The following STPG2 variants were observed in gnomAD, a reference collection of about 807,000 sequenced individuals.
STPG2 encodes sperm-tail PG-rich repeat-containing protein 2.
In STPG2, 56 loss-of-function variants were observed where a neutral mutation model predicts 54.2. The observed-to-expected ratio is 1.03, with a 90% CI of 0.83 to 1.29. The LOEUF is 1.29. STPG2 is among the 50% of genes most tolerant of loss of function. The probability of loss-of-function intolerance (pLI) is 0.00; values close to 1 mark genes in which losing one functional copy is unlikely to be tolerated. For missense variants in STPG2, 596 were observed against 544.9 expected, an observed-to-expected ratio of 1.09 and a Z score of -0.93; for synonymous variants, 200 against 181.8, an observed-to-expected ratio of 1.10 and a Z score of -0.81.
chr4:97,497,854 C>T (rs1730643026), intron 4 of STPG2, among the ~76,000 whole-genome samples: 1 of 151,752 alleles, frequency 6.6e-6, no homozygotes, highest in Admixed American at 6.6e-5. Context: ...TCTTCTGATG[C>T]CTACATTTCT....
At chr4:97,705,729 T>C (rs1354897394) in intron 10 of STPG2, among the ~76,000 whole-genome samples, 1 of 151,890 alleles carries the variant, frequency 6.6e-6, no homozygotes, top group Non-Finnish European at 1.5e-5. Context: ...ATAATAATTA[T>C]TTTATTATAA....
At chr4:98,038,631 C>T (rs1736846205) in intron 5 of STPG2, among the ~76,000 whole-genome samples, 1 of 151,544 alleles carries the variant, frequency 6.6e-6, no homozygotes, top group Admixed American at 6.6e-5. Flanking sequence ...CTTATTTCAA[C>T]AAGGTAGGAA....
chr4:97,666,128 C>T (rs576075990), intron 10 of STPG2, among the ~76,000 whole-genome samples: 1 of 152,180 alleles, frequency 6.6e-6, no homozygotes, highest in Non-Finnish European at 1.5e-5. Flanking sequence ...CCCAGATCCA[C>T]AGCCATAGCT....
chr4:97,657,385 A>C (rs1722246294), intron 10 of STPG2, among the ~76,000 whole-genome samples: 1 of 152,188 alleles, frequency 6.6e-6, no homozygotes, highest in South Asian at 2.1e-4. Flanking sequence ...ATAAAACTAT[A>C]GCTTTACACA....
At chr4:97,838,326 CAA>C (rs1357000270) in intron 9 of STPG2, among the ~76,000 whole-genome samples, 1 of 151,256 alleles carries the variant, frequency 6.6e-6, no homozygotes, top group African/African-American at 2.4e-5. Context: ...CACCATATAA[CAA>C]ATAGAATTAT....
chr4:97,869,457 T>C (rs1729905027), intron 8 of STPG2, among the ~76,000 whole-genome samples: 1 of 151,720 alleles, frequency 6.6e-6, no homozygotes, highest in South Asian at 2.1e-4. Context: ...GATAAGCTTT[T>C]GACATTTTCA....
chr4:98,143,210 G>A lies in STPG2; in HGVS notation c.-60C>T. 1 of 1,324,012 alleles carries A rather than the reference G, an allele frequency of 7.6e-7. No individual in the cohort carries two copies. Among genetic ancestry groups the A allele is most frequent in the Non-Finnish European group, 1.1e-6 (1 of 943,472 alleles). 82.0% of individuals were successfully genotyped at this position (1,324,012 alleles called of 1,614,324 possible). The stretch of plus-strand genomic sequence containing the variant: ...AGGTGCCGAAAACGATAAAAACAAG[G>A]TAGCTAGAAGTGTGGAGAAAAAGGA... On this transcript the variant is annotated 5_prime_UTR_variant, in exon 1 of 11. Transcript: ENST00000295268.
chr4:97,562,648 T>C (rs914676296), intron 10 of STPG2, among the ~76,000 whole-genome samples: 1 of 152,212 alleles, frequency 6.6e-6, no homozygotes, highest in South Asian at 2.1e-4. Context: ...GTTTTTAGCA[T>C]GAAGGGTTGT....
At chr4:97,738,287 G>A (rs1015081979) in intron 9 of STPG2, among the ~76,000 whole-genome samples, 6 of 152,186 alleles carry the variant, frequency 3.9e-5, no homozygotes, top group Non-Finnish European at 8.8e-5. Flanking sequence ...TCGAGGCTAG[G>A]AAGAAACTGC....
chr4:97,991,171 G>A (rs772613291), intron 5 of STPG2, among the ~76,000 whole-genome samples: 9 of 151,726 alleles, frequency 5.9e-5, no homozygotes, highest in Non-Finnish European at 1.2e-4. Flanking sequence ...TTCCATTCCT[G>A]GGTTACTTCA....
In STPG2 at chr4:97,730,753, GA is replaced by G. The variant is rs1330419329; in HGVS notation, c.1205-17940del. 1.1e-4 allele frequency among the ~76,000 whole-genome samples: 17 copies of G among 152,180 alleles called. No individual in the cohort carries two copies. In the East Asian group the frequency reaches 2.9e-3, roughly 26 times the overall value. Reference sequence around the variant, plus strand: ...TTTTTTCTGACTGGATTGATTCAAAGAATCAGTCTTCAAACTCTGAGATTCT... The same window carrying G: ...TTTTTTCTGACTGGATTGATTCAAAGATCAGTCTTCAAACTCTGAGATTCT... On this transcript the variant is annotated intron_variant, in intron 9 of 10. Transcript: ENST00000295268.
intron 9 of STPG2, among the ~76,000 whole-genome samples, chr4:97,745,433 T>C (rs1229833333): frequency 2.0e-5 from 3 of 151,102 alleles, no homozygotes; most frequent in Non-Finnish European, 4.5e-5. Flanking sequence ...AGATACTTTT[T>C]CCTCTTCATT....
intron 8 of STPG2, among the ~76,000 whole-genome samples, chr4:97,871,742 T>A (rs13118898): frequency 0.26 from 39,536 of 150,816 alleles, 5,645 homozygotes; most frequent in Middle Eastern, 0.37. Context: ...CAAAGCTACA[T>A]AAATTGTTCT....
chr4:97,855,060 T>C (rs1729291068), intron 8 of STPG2, among the ~76,000 whole-genome samples: 1 of 152,210 alleles, frequency 6.6e-6, no homozygotes, highest in South Asian at 2.1e-4. Flanking sequence ...ACTCTATTCA[T>C]GTCCCTGCAA....
chr4:97,909,010 T>TATAACAATAATA (rs1553924001), intron 8 of STPG2, among the ~76,000 whole-genome samples: 4 of 143,202 alleles, frequency 2.8e-5, no homozygotes, highest in African/African-American at 5.1e-5. Flanking sequence ...AAACTTAAAG[T>TATAACAATAATA]ATAATAATAA....
At chr4:98,075,837 T>A (rs1278722763) in intron 5 of STPG2, among the ~76,000 whole-genome samples, 5 of 152,244 alleles carry the variant, frequency 3.3e-5, no homozygotes, top group African/African-American at 1.2e-4. Flanking sequence ...CTATCCTGCA[T>A]AATATCACAT....
At chr4:97,573,114 A>C (rs1330229320) in intron 10 of STPG2, among the ~76,000 whole-genome samples, 1 of 152,070 alleles carries the variant, frequency 6.6e-6, no homozygotes, top group Admixed American at 6.6e-5. Context: ...ATGCATTTTC[A>C]TTCTTCTATA....
intron 5 of STPG2, among the ~76,000 whole-genome samples, chr4:98,019,337 C>A (rs1736090153): frequency 6.6e-6 from 1 of 151,990 alleles, no homozygotes; most frequent in South Asian, 2.1e-4. Flanking sequence ...AGATACGCAG[C>A]ATTATTTCTG....
chr4:97,794,852 C>A (rs1727115555), intron 9 of STPG2, among the ~76,000 whole-genome samples: 1 of 152,072 alleles, frequency 6.6e-6, no homozygotes, highest in Non-Finnish European at 1.5e-5. Flanking sequence ...CTAACTGGAA[C>A]ATATTTTTGT....
Sources: allele counts gnomAD v4.1 joint callset (sites outside exome capture counted in the v4.1 genomes callset), GRCh38; gene constraint gnomAD v4.1.1; transcripts MANE v1.5; gene names NCBI Gene and HGNC (gene_info 2026-07-23, HGNC 2026-07-21).